The following GPR39 variants were observed in gnomAD, a reference collection of about 807,000 sequenced individuals.
The protein encoded by GPR39 is zinc sensing receptor.
Under a neutral mutation model 18.4 loss-of-function variants are expected in GPR39, and 23 were observed. That is an observed-to-expected ratio of 1.25 (90% CI 0.90 to 1.77). GPR39 has a LOEUF of 1.77. Ranked by LOEUF, GPR39 falls within the 40% of genes most tolerant of loss-of-function variation. The probability of loss-of-function intolerance (pLI) is 0.00; values close to 1 mark genes in which losing one functional copy is unlikely to be tolerated. For synonymous variants in GPR39, 280 were observed against 257.9 expected, an observed-to-expected ratio of 1.09 and a Z score of -0.82; for missense variants, 647 against 602.4, an observed-to-expected ratio of 1.07 and a Z score of -0.78.
intron 1 of GPR39, among the ~76,000 whole-genome samples, chr2:132,500,926 C>G (rs1426568154): frequency 6.6e-6 from 1 of 151,878 alleles, no homozygotes; most frequent in Non-Finnish European, 1.5e-5. Context: ...GTTGTAATAT[C>G]TCTTGTTTTA....
In GPR39 at chr2:132,592,744, G is replaced by A. The variant is rs112146651; in HGVS notation, c.857-52357G>A. Among the ~76,000 whole-genome samples the A allele has an allele frequency of 5.1e-3, 772 of 152,286 alleles. 4 individuals are homozygous for A. Among genetic ancestry groups the A allele is most frequent in the African/African-American group, 0.017 (713 of 41,578 alleles). On this transcript the variant is annotated intron_variant, in intron 1 of 1. Transcript: ENST00000329321. The stretch of plus-strand genomic sequence containing the variant: ...GACCAGGAGGTGGCAGGAAGTGATT[G>A]GATGCTAAAACTAATGTTAGACTGG...
chr2:132,492,642 C>CAATATATATACACACCATA, intron 1 of GPR39, among the ~76,000 whole-genome samples: 1 of 118,796 alleles, frequency 8.4e-6, no homozygotes, highest in South Asian at 2.7e-4. Context: ...TACACACCAT[C>CAATATATATACACACCATA]TATATATAAT....
intron 1 of GPR39, among the ~76,000 whole-genome samples, chr2:132,567,040 G>C (rs912822758): frequency 1.3e-5 from 2 of 152,204 alleles, no homozygotes; most frequent in Non-Finnish European, 2.9e-5. Flanking sequence ...GTATTAAGAA[G>C]TGGAGCCTTT....
At chr2:132,466,838 C>T (rs1327119836) in intron 1 of GPR39, among the ~76,000 whole-genome samples, 2 of 152,152 alleles carry the variant, frequency 1.3e-5, no homozygotes, top group Non-Finnish European at 2.9e-5. Flanking sequence ...CTTGGCCTCT[C>T]AACAACTTGA....
chr2:132,540,901 A>C (rs143114461), intron 1 of GPR39, among the ~76,000 whole-genome samples: 134 of 152,006 alleles, frequency 8.8e-4, no homozygotes, highest in African/African-American at 3.1e-3. Flanking sequence ...AAACCTGGGA[A>C]TCAATCTGAC....
At chr2:132,518,652 T>C (rs1206965955) in intron 1 of GPR39, among the ~76,000 whole-genome samples, 1 of 152,214 alleles carries the variant, frequency 6.6e-6, no homozygotes, top group African/African-American at 2.4e-5. Flanking sequence ...ACTGCTGATA[T>C]AAATATAATG....
intron 1 of GPR39, among the ~76,000 whole-genome samples, chr2:132,570,615 C>G (rs536658845): frequency 2.0e-5 from 3 of 152,238 alleles, no homozygotes; most frequent in South Asian, 4.1e-4. Context: ...AAAAGGACAC[C>G]CTTTGCCACT....
intron 1 of GPR39, among the ~76,000 whole-genome samples, chr2:132,532,797 C>G (rs757404647): frequency 9.5e-5 from 14 of 146,896 alleles, no homozygotes; most frequent in South Asian, 8.9e-4. Context: ...ATTCAACAAC[C>G]CTTCATGCTA....
At chr2:132,488,997 G>A (rs1270785741) in intron 1 of GPR39, 3 of 159,042 alleles carry the variant, frequency 1.9e-5, no homozygotes, top group Admixed American at 6.4e-5. Context: ...ATGACGCGGA[G>A]TCTATCATGG....
intron 1 of GPR39, among the ~76,000 whole-genome samples, chr2:132,577,520 T>A (rs114537941): frequency 0.02 from 3,078 of 151,728 alleles, 111 homozygotes; most frequent in African/African-American, 0.069. Context: ...TTATAATTTA[T>A]GAACATGTAA....
At chr2:132,478,145 A>G (rs1431705266) in intron 1 of GPR39, among the ~76,000 whole-genome samples, 1 of 152,226 alleles carries the variant, frequency 6.6e-6, no homozygotes, top group East Asian at 1.9e-4. Context: ...TTTAAAAACC[A>G]CAAACTGCTG....
intron 1 of GPR39, among the ~76,000 whole-genome samples, chr2:132,549,796 A>G (rs1680011355): frequency 6.6e-6 from 1 of 152,198 alleles, no homozygotes; most frequent in South Asian, 2.1e-4. Flanking sequence ...CAAAAAAAAA[A>G]GAGCTTCAGA....
At chr2:132,578,510 G>C (rs1406555504) in intron 1 of GPR39, among the ~76,000 whole-genome samples, 1 of 151,980 alleles carries the variant, frequency 6.6e-6, no homozygotes, top group African/African-American at 2.4e-5. Flanking sequence ...GATTTTGGTG[G>C]GGGGAGATTT....
chr2:132,486,710 A>T (rs1027410678), intron 1 of GPR39, among the ~76,000 whole-genome samples: 17 of 152,162 alleles, frequency 1.1e-4, no homozygotes, highest in African/African-American at 3.9e-4. Context: ...CTTGCTCTGG[A>T]TTAGGCTTTG....
intron 1 of GPR39, among the ~76,000 whole-genome samples, chr2:132,589,874 T>A (rs1414886956): frequency 6.6e-6 from 1 of 152,106 alleles, no homozygotes; most frequent in Admixed American, 6.5e-5. Context: ...AGCATTTGTT[T>A]TATTAAGGGA....
intron 1 of GPR39, among the ~76,000 whole-genome samples, chr2:132,603,422 A>G (rs1014265575): frequency 6.4e-4 from 98 of 152,290 alleles, no homozygotes; most frequent in African/African-American, 2.3e-3. Flanking sequence ...ACAAAATTAC[A>G]GCTAGAGAGG....
rs187988532 is a variant in GPR39 at position 132,554,365 on chromosome 2, A to T, written c.857-90736A>T. 2.0e-4 allele frequency among the ~76,000 whole-genome samples: 30 copies of T among 152,392 alleles called. No individual in the cohort carries two copies. The East Asian group carries it at 3.9e-3, about 20-fold the overall frequency. On this transcript the variant is annotated intron_variant, in intron 1 of 1. Transcript: ENST00000329321. ...GCTAGATTACAAACATCATGGGCTC[A>T]GAGTCAACAGTCACAGCTCTGCCAC...
chr2:132,588,536 C>T (rs1358761921), intron 1 of GPR39, among the ~76,000 whole-genome samples: 3 of 152,178 alleles, frequency 2.0e-5, no homozygotes, highest in African/African-American at 2.4e-5. Flanking sequence ...TATCTGGAGG[C>T]TGCTTCACTC....
chr2:132,645,227 T>C lies in GPR39; in HGVS notation c.983T>C (p.Phe328Ser), dbSNP rs1445238604. 2 of 1,614,006 alleles carry C rather than the reference T, an allele frequency of 1.2e-6. No homozygotes were observed. The highest frequency in any genetic ancestry group is 2.7e-5 in the African/African-American group (2 of 74,900). Residue 328 changes from phenylalanine (F) to serine (S), a missense_variant, in exon 2 of 2, where the codon TTC becomes TCC. This residue lies in a region of GPR39 where 581 missense variants were observed against 506.8 expected (regional missense o/e 1.15). Coordinates refer to ENST00000329321, the MANE Select transcript of GPR39 (RefSeq NM_001508.3). ...CGGGCGTACATGATCCTCCTCCCCT[T>C]CTCGGAGACGTTTTTCTACCTCAGC... The part of the protein sequence containing the change: ...YFRAYMILLP[F>S]SETFFYLSSV...
Sources: gnomAD v4.1 joint callset for allele counts (sites outside exome capture counted in the v4.1 genomes callset) on GRCh38, gnomAD v4.1.1 for gene constraint, gnomAD v4.1.1 regional missense constraint, MANE v1.5 for transcripts, NCBI Gene and HGNC (gene_info 2026-07-23, HGNC 2026-07-21) for gene names.